SASS6: variants seen among roughly 807,000 people sequenced by gnomAD.
The protein encoded by SASS6 is SAS-6 centriolar assembly protein.
A neutral mutation model predicts 94.9 loss-of-function variants in SASS6; 59 were observed. The observed-to-expected ratio is 0.62, with a 90% CI of 0.50 to 0.77. The LOEUF is 0.77. SASS6 is among the 30% of genes least tolerant of loss of function. The pLI is 0.00. For synonymous variants in SASS6, 264 were observed against 270.0 expected, an observed-to-expected ratio of 0.98 and a Z score of 0.22; for missense variants, 698 against 734.1, an observed-to-expected ratio of 0.95 and a Z score of 0.57.
At chr1:100,090,178 A>G (rs1187710511) in intron 14 of SASS6, among the ~76,000 whole-genome samples, 1 of 152,172 alleles carries the variant, frequency 6.6e-6, no homozygotes, top group Non-Finnish European at 1.5e-5. Flanking sequence ...AAAGGGAGGC[A>G]AGAAACAGGA....
intron 14 of SASS6, among the ~76,000 whole-genome samples, chr1:100,100,515 C>G (rs539248484): frequency 6.6e-6 from 1 of 152,132 alleles, no homozygotes; most frequent in Non-Finnish European, 1.5e-5. Flanking sequence ...AGAAAAAACA[C>G]GTAGTTTTGT....
At position 100,123,386 on chromosome 1, in the gene SASS6, T is replaced by A; in HGVS notation, c.127-97A>T. The stretch of plus-strand genomic sequence containing the variant: ...AAAGAAATCCAACAACATCAGTGTA[T>A]CATAGTTATATTGCAGACAGCTTTG... On this transcript the variant is annotated intron_variant, in intron 2 of 16. Transcript: ENST00000287482. 4.9e-6 allele frequency: 3 copies of A among 607,150 alleles called. No individual in the cohort carries two copies. The East Asian group carries it at 9.0e-5, about 18-fold the overall frequency. 37.6% of individuals were successfully genotyped at this position (607,150 alleles called of 1,614,324 possible).
chr1:100,123,910 T>C (rs934386556), intron 2 of SASS6, among the ~76,000 whole-genome samples: 7 of 152,188 alleles, frequency 4.6e-5, no homozygotes, highest in African/African-American at 1.2e-4. Flanking sequence ...TACGTGTACA[T>C]AGTGTGGGAG....
In SASS6 at chr1:100,103,049, A is replaced by G. The variant is rs116832561; in HGVS notation, c.1580T>C (p.Ile527Thr). The change falls in exon 14 of 17, where the codon ATT becomes ACT. Residue 527 changes from isoleucine (I) to threonine (T), a missense_variant. Physicochemically the swap from Ile to Thr is moderately conservative, Grantham distance 89. Coordinates refer to ENST00000287482, the MANE Select transcript of SASS6 (RefSeq NM_194292.3). ...AAATGCAGAGGAGACAGGATAACCAATCCCACAGGTTGGGTAAGTCAGTCT... is the reference window on the plus strand; with the variant it reads ...AAATGCAGAGGAGACAGGATAACCAGTCCCACAGGTTGGGTAAGTCAGTCT... ...DGRLTYPTCGIGYPVSSAFAF... is the reference protein window; with the variant it reads ...DGRLTYPTCGTGYPVSSAFAF... The G allele has an allele frequency of 5.0e-6, 8 of 1,606,208 alleles. No homozygotes were observed. In the Admixed American group the frequency reaches 1.2e-4, roughly 23 times the overall value.
intron 4 of SASS6, 103 bp downstream of exon 4, chr1:100,122,277 G>C (rs1309535895): frequency 5.5e-6 from 3 of 549,100 alleles, no homozygotes; most frequent in African/African-American, 2.0e-5. Context: ...AAATAAACAG[G>C]GATAGTCATA....
chr1:100,106,393 T>C lies in SASS6; in HGVS notation c.1409-490A>G, dbSNP rs148392716. Among the ~76,000 whole-genome samples the C allele has an allele frequency of 4.7e-3, 721 of 152,294 alleles. 3 individuals are homozygous for C. The highest frequency in any genetic ancestry group is 0.016 in the African/African-American group (652 of 41,566). On this transcript the variant is annotated intron_variant, in intron 12 of 16. Coordinates refer to ENST00000287482, the MANE Select transcript of SASS6 (RefSeq NM_194292.3). ...GTTTTAATTGTGGGTTACTGACCTA[T>C]GGGATATGGTTTTCTTTATAAAGAT...
chr1:100,117,293 A>G (rs981291849), intron 7 of SASS6, among the ~76,000 whole-genome samples: 4 of 145,224 alleles, frequency 2.8e-5, no homozygotes, highest in Non-Finnish European at 6.0e-5. Flanking sequence ...TTCTGTCTCA[A>G]AAAAAAAAAA....
intron 2 of SASS6, 115 bp from the exon 3 acceptor site, chr1:100,123,404 C>T: frequency 1.8e-6 from 1 of 542,898 alleles, no homozygotes; most frequent in Non-Finnish European, 3.3e-6. Flanking sequence ...ATATTGCAGA[C>T]AGCTTTGTTT....
At chr1:100,114,332 G>T (rs978286010) in intron 7 of SASS6, among the ~76,000 whole-genome samples, 9 of 151,736 alleles carry the variant, frequency 5.9e-5, no homozygotes, top group Non-Finnish European at 1.2e-4. Flanking sequence ...TGCAATAAGC[G>T]AACTATGATG....
chr1:100,101,587 A>G (rs1652501105), intron 14 of SASS6, among the ~76,000 whole-genome samples: 1 of 152,166 alleles, frequency 6.6e-6, no homozygotes, highest in Non-Finnish European at 1.5e-5. Context: ...TGTTTAAATA[A>G]AAAACAACTG....
intron 12 of SASS6, among the ~76,000 whole-genome samples, chr1:100,106,547 G>A (rs1459973911): frequency 6.6e-6 from 1 of 152,068 alleles, no homozygotes; most frequent in Non-Finnish European, 1.5e-5. Context: ...AAATTTTCAG[G>A]TTAAGAATAA....
chr1:100,130,394 G>A (rs558603750), intron 1 of SASS6, among the ~76,000 whole-genome samples: 18 of 152,278 alleles, frequency 1.2e-4, no homozygotes, highest in Admixed American at 7.2e-4. Flanking sequence ...CAACCAAGGC[G>A]TCTGGGCTGG....
intron 1 of SASS6, among the ~76,000 whole-genome samples, chr1:100,130,999 C>T (rs980001857): frequency 6.6e-6 from 1 of 152,164 alleles, no homozygotes; most frequent in African/African-American, 2.4e-5. Flanking sequence ...GGTTTCTAAG[C>T]AGAGAAATTG....
intron 15 of SASS6, 61 bp downstream of exon 15, chr1:100,088,078 A>C: frequency 2.3e-6 from 2 of 874,168 alleles, no homozygotes; most frequent in Non-Finnish European, 3.9e-6. Context: ...GCACTGATAA[A>C]AATTCTGTAA....
At chr1:100,130,137 C>CAGTT (rs1654895543) in intron 1 of SASS6, among the ~76,000 whole-genome samples, 1 of 152,136 alleles carries the variant, frequency 6.6e-6, no homozygotes, top group South Asian at 2.1e-4. Context: ...GGACTTAAAC[C>CAGTT]CAGGCAATCT....
Position 100,122,440 on chromosome 1 carries a change from G to T in SASS6, c.251C>A (p.Pro84Gln). Residue 84 changes from proline to glutamine, a missense_variant, in exon 4 of 17, where the codon CCA (proline) becomes CAA (glutamine). Transcript: ENST00000287482. ...QGLLVDFLAF[P>Q]QKFIDLLQQC... ...CTGAAGGAGATCTATAAATTTTTGT[G>T]GGAAAGCTAAGAAGTCTACCAGAAG... 1.3e-6 allele frequency: 2 copies of T among 1,586,884 alleles called. No individual in the cohort carries two copies. The highest frequency in any genetic ancestry group is 1.7e-6 in the Non-Finnish European group (2 of 1,156,782).
At chr1:100,096,694 C>T (rs548227830) in intron 14 of SASS6, among the ~76,000 whole-genome samples, 1 of 152,172 alleles carries the variant, frequency 6.6e-6, no homozygotes, top group Non-Finnish European at 1.5e-5. Flanking sequence ...AAAAAGACAA[C>T]CTTGTTTAGC....
At chr1:100,090,157 G>A (rs970024445) in intron 14 of SASS6, among the ~76,000 whole-genome samples, 5 of 151,676 alleles carry the variant, frequency 3.3e-5, no homozygotes, top group African/African-American at 9.7e-5. Context: ...AAAGAAGGCA[G>A]GAAAAACAGA....
intron 7 of SASS6, among the ~76,000 whole-genome samples, chr1:100,112,810 C>T (rs980108707): frequency 1.3e-5 from 2 of 152,186 alleles, no homozygotes; most frequent in Non-Finnish European, 2.9e-5. Context: ...AAGAACCTAT[C>T]AGGAAATCAA....
Sources: gnomAD v4.1 joint callset for allele counts (sites outside exome capture counted in the v4.1 genomes callset) on GRCh38, gnomAD v4.1.1 for gene constraint, MANE v1.5 for transcripts, NCBI Gene and HGNC (gene_info 2026-07-23, HGNC 2026-07-21) for gene names.